The following TRDN variants were observed in gnomAD, a reference collection of about 807,000 sequenced individuals.
TRDN encodes the protein triadin.
TRDN carries 161 observed loss-of-function variants against 149.7 expected under a neutral mutation model. The ratio of observed to expected loss-of-function variants is 1.08; its 90% confidence interval spans 0.95 to 1.23. The LOEUF (loss-of-function observed/expected upper bound fraction) is 1.23. Ranked by LOEUF, TRDN falls within the 50% of genes most tolerant of loss-of-function variation. The pLI, the probability that TRDN is intolerant of heterozygous loss-of-function variation, is 0.00. For missense variants in TRDN, 896 were observed against 823.5 expected (o/e 1.09, Z -1.08); for synonymous variants, 294 against 250.5 (o/e 1.17, Z -1.64).
At chr6:123,275,667 G>A (rs1777344958) in intron 26 of TRDN, among the ~76,000 whole-genome samples, 1 of 152,118 alleles carries the variant, frequency 6.6e-6, no homozygotes, top group African/African-American at 2.4e-5. Context: ...ATTGGGTAAT[G>A]GGTAGAGTCT....
At chr6:123,634,262 G>A (rs989907803) in intron 1 of TRDN, among the ~76,000 whole-genome samples, 2 of 151,350 alleles carry the variant, frequency 1.3e-5, no homozygotes, top group Admixed American at 1.3e-4. Flanking sequence ...AGGAGGTCGT[G>A]TCTTTACAAA....
At chr6:123,225,432 G>T (rs1775317625) in intron 38 of TRDN, among the ~76,000 whole-genome samples, 1 of 151,472 alleles carries the variant, frequency 6.6e-6, no homozygotes, top group Non-Finnish European at 1.5e-5. Flanking sequence ...TCACTTCTGG[G>T]TATATATCCA....
At position 123,530,527 on chromosome 6, in the gene TRDN, C is replaced by A; in HGVS notation, c.463G>T (p.Glu155Ter). The A allele has an allele frequency of 8.0e-7, 1 of 1,252,392 alleles. No individual in the cohort carries two copies. Among genetic ancestry groups the A allele is most frequent in the South Asian group, 1.6e-5 (1 of 62,486 alleles). 77.6% of individuals were successfully genotyped at this position (1,252,392 alleles called of 1,614,324 possible). A position where few individuals can be genotyped will look rare whatever the true frequency, so the allele number is the denominator to read the frequency against. Reference protein sequence around the residue: ...KDKTEKQEKPERKIQTKVTHK... With the variant: ...KDKTEKQEKP ...TTACCTTTAGTTTGTATTTTCCTTT[C>A]AGGTTTCTCTTGTTTTTCAGTCTTA... The change falls in exon 5 of 41, where the codon GAA (glutamate) becomes TAA (stop). Residue 155 changes from glutamate to a stop codon, truncating the protein, a stop_gained. Transcript: ENST00000334268. LOFTEE classifies it high-confidence loss of function.
At chr6:123,353,246 T>G (rs1043533450) in intron 20 of TRDN, among the ~76,000 whole-genome samples, 7 of 151,824 alleles carry the variant, frequency 4.6e-5, no homozygotes, top group African/African-American at 1.7e-4. Context: ...TTAGCAACCA[T>G]TAAATGAAAG....
intron 5 of TRDN, among the ~76,000 whole-genome samples, chr6:123,522,767 T>G (rs1389742208): frequency 1.3e-5 from 2 of 152,122 alleles, no homozygotes; most frequent in Non-Finnish European, 2.9e-5. Flanking sequence ...CCAGTAGAGA[T>G]TAACAAAACA....
rs1048057331 is a variant in TRDN, at chr6:123,368,045, T to C, written c.1274-1863A>G. 2.4e-4 allele frequency among the ~76,000 whole-genome samples: 37 copies of C among 152,326 alleles called. 1 individual carries two copies. Among genetic ancestry groups the C allele is most frequent in the African/African-American group, 8.7e-4 (36 of 41,590 alleles). ...CTGTATCTTCAGCCTCTTCTCAGAATGTTCATTTTACTTTCTTCCTTTAAT... is the reference window on the plus strand; with the variant it reads ...CTGTATCTTCAGCCTCTTCTCAGAACGTTCATTTTACTTTCTTCCTTTAAT... On this transcript the variant is annotated intron_variant, in intron 19 of 40. Transcript: ENST00000334268.
chr6:123,448,092 G>A (rs1020745316), intron 10 of TRDN, among the ~76,000 whole-genome samples: 5 of 152,198 alleles, frequency 3.3e-5, no homozygotes, highest in East Asian at 1.9e-4. Flanking sequence ...CTGAGAGCTC[G>A]CTGGGTCCCC....
At chr6:123,341,517 T>A (rs1780061831) in intron 21 of TRDN, among the ~76,000 whole-genome samples, 1 of 148,964 alleles carries the variant, frequency 6.7e-6, no homozygotes, top group East Asian at 1.9e-4. Flanking sequence ...TTAAAAAGAA[T>A]AAAATTTTGC....
At chr6:123,564,418 G>A (rs1355266849) in intron 2 of TRDN, among the ~76,000 whole-genome samples, 2 of 152,188 alleles carry the variant, frequency 1.3e-5, no homozygotes, top group Non-Finnish European at 2.9e-5. Context: ...GTGTGTATAT[G>A]AGTGTAAAAT....
chr6:123,566,038 G>C (rs1782278046), intron 2 of TRDN, among the ~76,000 whole-genome samples: 2 of 152,102 alleles, frequency 1.3e-5, no homozygotes, highest in South Asian at 4.1e-4. Flanking sequence ...ATTCATAAAC[G>C]ATATAATAAA....
chr6:123,223,688 C>CCTTA (rs934602122), intron 39 of TRDN, among the ~76,000 whole-genome samples: 3 of 131,588 alleles, frequency 2.3e-5, no homozygotes, highest in African/African-American at 1.0e-4. Context: ...TTCCTTCCTT[C>CCTTA]CTTCCTTCCT....
At chr6:123,440,237 G>T (rs1002898912) in intron 10 of TRDN, among the ~76,000 whole-genome samples, 1 of 152,188 alleles carries the variant, frequency 6.6e-6, no homozygotes, top group Admixed American at 6.5e-5. Context: ...TAATGTCTCA[G>T]GGAAAAATGT....
At chr6:123,365,620 G>A (rs992263433) in intron 20 of TRDN, among the ~76,000 whole-genome samples, 2 of 152,068 alleles carry the variant, frequency 1.3e-5, no homozygotes, top group African/African-American at 4.8e-5. Flanking sequence ...ATTGTCTCTT[G>A]ATATACTTCC....
At chr6:123,253,425 A>G (rs940744429) in intron 37 of TRDN, among the ~76,000 whole-genome samples, 3 of 152,140 alleles carry the variant, frequency 2.0e-5, no homozygotes, top group African/African-American at 7.2e-5. Context: ...GGTTATTCCT[A>G]TTAAAAAACA....
chr6:123,387,501 C>A (rs1177946431), intron 14 of TRDN, among the ~76,000 whole-genome samples: 1 of 151,988 alleles, frequency 6.6e-6, no homozygotes, highest in Non-Finnish European at 1.5e-5. Flanking sequence ...TCTGCTTGGG[C>A]GTTTACTGTG....
chr6:123,286,469 T>C (rs752505235), intron 24 of TRDN, among the ~76,000 whole-genome samples: 2 of 152,182 alleles, frequency 1.3e-5, no homozygotes, highest in East Asian at 1.9e-4. Context: ...GAGTGAGAGA[T>C]AAGCTATGAG....
intron 21 of TRDN, among the ~76,000 whole-genome samples, chr6:123,339,943 C>T (rs1158925628): frequency 6.6e-6 from 1 of 151,994 alleles, no homozygotes; most frequent in East Asian, 1.9e-4. Context: ...ATCAAAATAG[C>T]TATAGAAGTC....
At chr6:123,486,797 T>A (rs1364365237) in intron 9 of TRDN, among the ~76,000 whole-genome samples, 1 of 152,026 alleles carries the variant, frequency 6.6e-6, no homozygotes, top group East Asian at 1.9e-4. Context: ...TATTGCTATA[T>A]CTACATCTAC....
At chr6:123,426,433 C>G (rs894069924) in intron 12 of TRDN, among the ~76,000 whole-genome samples, 5 of 152,056 alleles carry the variant, frequency 3.3e-5, no homozygotes, top group African/African-American at 1.2e-4. Context: ...CCACTGAGCC[C>G]CTGCTGCATG....
Sources: gnomAD v4.1 joint callset for allele counts (sites outside exome capture counted in the v4.1 genomes callset) on GRCh38, gnomAD v4.1.1 for gene constraint, MANE v1.5 for transcripts, NCBI Gene and HGNC (gene_info 2026-07-23, HGNC 2026-07-21) for gene names.